The following PARD3 variants were observed in gnomAD, a reference collection of about 807,000 sequenced individuals.
PARD3 encodes the protein par-3 family cell polarity regulator, also known as partitioning defective 3 homolog.
Under a neutral mutation model 155.4 loss-of-function variants are expected in PARD3, and 75 were observed. The observed-to-expected ratio is 0.48, with a 90% CI of 0.40 to 0.58. The LOEUF (loss-of-function observed/expected upper bound fraction) is 0.58. PARD3 is among the 20% of genes least tolerant of loss of function. PARD3 has a pLI of 0.00. For synonymous variants in PARD3, 576 were observed against 610.5 expected (o/e 0.94, Z 0.83); for missense variants, 1,642 against 1,721.7 (o/e 0.95, Z 0.82).
intron 1 of PARD3, among the ~76,000 whole-genome samples, chr10:34,705,296 C>T (rs2094346296): frequency 6.6e-6 from 1 of 152,122 alleles, no homozygotes; most frequent in South Asian, 2.1e-4. Context: ...GGGACCCCAT[C>T]TCACAAATAA....
chr10:34,549,233 G>A (rs1317028214), intron 2 of PARD3, among the ~76,000 whole-genome samples: 2 of 152,080 alleles, frequency 1.3e-5, no homozygotes, highest in Non-Finnish European at 2.9e-5. Flanking sequence ...AACAGAACTT[G>A]GGTGGTTGCC....
chr10:34,676,071 C>T (rs2093699793), intron 2 of PARD3: 1 of 152,730 alleles, frequency 6.5e-6, no homozygotes, highest in Non-Finnish European at 1.5e-5. Flanking sequence ...CGAGTGATGC[C>T]CCATCTTGAA....
chr10:34,202,231 C>T (rs1390483184), intron 22 of PARD3, among the ~76,000 whole-genome samples: 3 of 152,052 alleles, frequency 2.0e-5, no homozygotes, highest in Admixed American at 6.6e-5. Context: ...TACCATAATA[C>T]CCGGCTAATT....
chr10:34,375,509 G>A (rs891678445), intron 10 of PARD3, among the ~76,000 whole-genome samples: 1 of 151,934 alleles, frequency 6.6e-6, no homozygotes, highest in Non-Finnish European at 1.5e-5. Context: ...ACCTCTAAAA[G>A]GTAAACATTA....
rs574034323 is a variant in PARD3, at chr10:34,178,225, G to A, written c.3420-46642C>T. Among the ~76,000 whole-genome samples the A allele has an allele frequency of 3.3e-4, 50 of 152,256 alleles. 1 individual carries two copies. Among genetic ancestry groups the A allele is most frequent in the Middle Eastern group, 6.8e-3 (2 of 294 alleles). ...CTCTAATAAAATGAACACTGACACC[G>A]ATGAACTTGCCTCTGACATAATTAC... On this transcript the variant is annotated intron_variant, in intron 22 of 24. Coordinates refer to ENST00000374788, the MANE Select transcript of PARD3 (RefSeq NM_001184785.2).
At chr10:34,200,439 G>T (rs2786549) in intron 22 of PARD3, among the ~76,000 whole-genome samples, 148,804 of 152,286 alleles carry the variant, frequency 0.98, 72,730 homozygotes, top group Middle Eastern at 1. Context: ...TAACAAACCC[G>T]CAGGAGAGGC....
chr10:34,564,224 C>T (rs2085741208), intron 2 of PARD3, among the ~76,000 whole-genome samples: 1 of 152,158 alleles, frequency 6.6e-6, no homozygotes, highest in African/African-American at 2.4e-5. Flanking sequence ...ATCAATTAAC[C>T]ATCTCCTGAC....
chr10:34,163,586 A>G (rs910354422), intron 22 of PARD3, among the ~76,000 whole-genome samples: 1 of 152,224 alleles, frequency 6.6e-6, no homozygotes, highest in African/African-American at 2.4e-5. Context: ...AACTTTTTCT[A>G]TAAAGGCCCT....
intron 19 of PARD3, among the ~76,000 whole-genome samples, chr10:34,328,210 A>G (rs1472406182): frequency 1.3e-5 from 2 of 152,222 alleles, no homozygotes; most frequent in African/African-American, 4.8e-5. Flanking sequence ...AGTGCATACA[A>G]GGTCCAGTGT....
At chr10:34,650,176 CA>C (rs2092962996) in intron 2 of PARD3, among the ~76,000 whole-genome samples, 1 of 152,170 alleles carries the variant, frequency 6.6e-6, no homozygotes, top group African/African-American at 2.4e-5. Context: ...GTAACAGAGT[CA>C]AAGATTGTCA....
At chr10:34,719,259 T>C (rs561082806) in intron 1 of PARD3, among the ~76,000 whole-genome samples, 8 of 152,202 alleles carry the variant, frequency 5.3e-5, no homozygotes, top group South Asian at 2.1e-4. Flanking sequence ...CAATGTAATA[T>C]ACCACCAACA....
chr10:34,621,622 C>T (rs1000763191), intron 2 of PARD3, among the ~76,000 whole-genome samples: 3 of 152,150 alleles, frequency 2.0e-5, no homozygotes, highest in African/African-American at 7.2e-5. Flanking sequence ...AAAGAAAGAG[C>T]ACTGCTACCT....
chr10:34,633,581 G>A (rs955295809), intron 2 of PARD3, among the ~76,000 whole-genome samples: 10 of 152,214 alleles, frequency 6.6e-5, no homozygotes, highest in East Asian at 5.8e-4. Context: ...TTATCCATCC[G>A]TCCAACGTAG....
At chr10:34,755,466 G>C (rs1203150166) in intron 1 of PARD3, among the ~76,000 whole-genome samples, 2 of 152,090 alleles carry the variant, frequency 1.3e-5, no homozygotes, top group Non-Finnish European at 2.9e-5. Context: ...CCCAGTGCAA[G>C]GGTATGCCCT....
intron 22 of PARD3, among the ~76,000 whole-genome samples, chr10:34,237,383 G>A (rs1488989344): frequency 6.6e-6 from 1 of 152,112 alleles, no homozygotes; most frequent in Non-Finnish European, 1.5e-5. Flanking sequence ...TTACTCTCCT[G>A]CAAATATGAA....
intron 7 of PARD3, among the ~76,000 whole-genome samples, chr10:34,397,032 G>A (rs551096400): frequency 2.6e-5 from 4 of 152,238 alleles, no homozygotes; most frequent in Non-Finnish European, 5.9e-5. Flanking sequence ...CTATCACTCC[G>A]TCTAGACTGC....
chr10:34,779,407 G>A (rs768213322), intron 1 of PARD3, among the ~76,000 whole-genome samples: 10 of 151,944 alleles, frequency 6.6e-5, no homozygotes, highest in South Asian at 2.1e-4. Flanking sequence ...TCAGGCGATC[G>A]AGACCATCCT....
rs1197555126 is a variant in PARD3, at chr10:34,360,091, T to C, written c.1876A>G (p.Asn626Asp). Residue 626 changes from asparagine (N) to aspartate (D), a missense_variant, in exon 13 of 25, where the codon AAT becomes GAT. Physicochemically the swap from Asn to Asp is conservative, Grantham distance 23. Around this residue, in one of 3 missense-constraint regions of PARD3, gnomAD observed 1,529 missense variants for 1,587.3 expected, o/e 0.96. Transcript: ENST00000374788. The part of the protein sequence containing the change: ...DLGIFVKSII[N>D]GGAASKDGRL... ...CTCACTTTAGATGCTGCTCCTCCATTAATAATGGACTTGACAAAGATTCCC... is the reference window on the plus strand; with the variant it reads ...CTCACTTTAGATGCTGCTCCTCCATCAATAATGGACTTGACAAAGATTCCC... The C allele has an allele frequency of 6.2e-7, 1 of 1,613,898 alleles. No homozygotes were observed. Among genetic ancestry groups the C allele is most frequent in the Non-Finnish European group, 8.5e-7 (1 of 1,179,888 alleles).
intron 2 of PARD3, among the ~76,000 whole-genome samples, chr10:34,615,137 C>T (rs1005784195): frequency 3.9e-5 from 6 of 152,008 alleles, no homozygotes; most frequent in Non-Finnish European, 7.4e-5. Context: ...GCCGAGATGG[C>T]GCCACTTCAC....
Sources: allele counts gnomAD v4.1 joint callset (sites outside exome capture counted in the v4.1 genomes callset), GRCh38; gene constraint gnomAD v4.1.1; regional missense constraint gnomAD v4.1.1; transcripts MANE v1.5; gene names NCBI Gene and HGNC (gene_info 2026-07-23, HGNC 2026-07-21).